Variants in KCNQ5 observed in about 807,000 individuals in gnomAD.
The protein encoded by KCNQ5 is potassium voltage-gated channel subfamily KQT member 5.
In KCNQ5, 30 loss-of-function variants were observed where a neutral mutation model predicts 98.2. The observed-to-expected ratio is 0.31, with a 90% CI of 0.23 to 0.41. The LOEUF (loss-of-function observed/expected upper bound fraction) is 0.41, where lower values mean the gene tolerates loss of function less well. KCNQ5 is among the 10% of genes least tolerant of loss of function. The probability of loss-of-function intolerance (pLI) is 1.00; values close to 1 mark genes in which losing one functional copy is unlikely to be tolerated. For synonymous variants in KCNQ5, 458 were observed against 449.4 expected, an observed-to-expected ratio of 1.02 and a Z score of -0.24; for missense variants, 835 against 1,182.5, an observed-to-expected ratio of 0.71 and a Z score of 4.31.
Position 73,141,194 on chromosome 6 carries a change from T to C in KCNQ5, c.1468+7553T>C, listed in dbSNP as rs138171287. On this transcript the variant is annotated intron_variant, in intron 10 of 13. Coordinates refer to ENST00000370398, the MANE Select transcript of KCNQ5 (RefSeq NM_019842.4). ...CTGGAGAGGGCCCACTTCCACGTGATGGAAAGGGCGAGGTTCCTCTTGGGT... is the reference window on the plus strand; with the variant it reads ...CTGGAGAGGGCCCACTTCCACGTGACGGAAAGGGCGAGGTTCCTCTTGGGT... Among the ~76,000 whole-genome samples, 10 of 152,342 alleles carry C rather than the reference T, an allele frequency of 6.6e-5. 1 individual carries two copies. In the East Asian group the frequency reaches 1.9e-3, roughly 29 times the overall value.
At chr6:73,002,071 A>C (rs1460066571) in intron 1 of KCNQ5, among the ~76,000 whole-genome samples, 1 of 152,136 alleles carries the variant, frequency 6.6e-6, no homozygotes, top group Non-Finnish European at 1.5e-5. Context: ...TTAAAGTTAC[A>C]ATGAGCTATG....
chr6:73,039,169 A>C (rs1005300345), intron 2 of KCNQ5, among the ~76,000 whole-genome samples: 53 of 152,226 alleles, frequency 3.5e-4, no homozygotes, highest in African/African-American at 1.2e-3. Context: ...AGTGGCGTAG[A>C]ATCTATACTG....
chr6:72,986,981 GGT>G, intron 1 of KCNQ5: 1 of 808,022 alleles, frequency 1.2e-6, no homozygotes, highest in Non-Finnish European at 2.1e-6. Context: ...ACAGTGGGAA[GGT>G]GAAGAAGAAG....
At chr6:72,865,851 T>C (rs1777957180) in intron 1 of KCNQ5, among the ~76,000 whole-genome samples, 1 of 152,200 alleles carries the variant, frequency 6.6e-6, no homozygotes, top group East Asian at 1.9e-4. Context: ...CCTCAGAATC[T>C]TTATTGTGGA....
At chr6:72,860,260 C>T (rs1300842242) in intron 1 of KCNQ5, among the ~76,000 whole-genome samples, 1 of 152,196 alleles carries the variant, frequency 6.6e-6, no homozygotes, top group African/African-American at 2.4e-5. Flanking sequence ...GAAGTCTCAC[C>T]TGCAAGGTAG....
chr6:72,720,635 C>G (rs1268061280), intron 1 of KCNQ5, among the ~76,000 whole-genome samples: 1 of 152,214 alleles, frequency 6.6e-6, no homozygotes, highest in Non-Finnish European at 1.5e-5. Context: ...TCCATGCTAT[C>G]ATCAGTGCGG....
intron 1 of KCNQ5, among the ~76,000 whole-genome samples, chr6:72,851,821 GT>G (rs958899193): frequency 3.3e-5 from 5 of 151,950 alleles, no homozygotes; most frequent in Admixed American, 1.3e-4. Flanking sequence ...TTACAGAGTT[GT>G]TTTTCTTGAA....
chr6:72,872,943 A>T (rs1253057082), intron 1 of KCNQ5, among the ~76,000 whole-genome samples: 2 of 152,130 alleles, frequency 1.3e-5, no homozygotes, highest in South Asian at 2.1e-4. Context: ...AACTTTCCAG[A>T]TAGCTCTTCT....
chr6:73,093,216 A>G (rs1159035529), intron 5 of KCNQ5, among the ~76,000 whole-genome samples: 1 of 152,100 alleles, frequency 6.6e-6, no homozygotes. Flanking sequence ...GTAGCCTTGA[A>G]TGATCTTTTG....
At chr6:73,141,268 C>A (rs953258313) in intron 10 of KCNQ5, among the ~76,000 whole-genome samples, 114 of 152,250 alleles carry the variant, frequency 7.5e-4, no homozygotes, top group African/African-American at 2.6e-3. Context: ...GCCCTCATAG[C>A]CTAACCATCT....
chr6:72,799,548 A>G (rs528724317), intron 1 of KCNQ5, among the ~76,000 whole-genome samples: 10 of 152,338 alleles, frequency 6.6e-5, no homozygotes, highest in African/African-American at 2.4e-4. Context: ...ACAACAGAAT[A>G]CACTTGTGGA....
intron 1 of KCNQ5, among the ~76,000 whole-genome samples, chr6:72,834,576 A>T (rs1429527877): frequency 6.6e-6 from 1 of 152,226 alleles, no homozygotes; most frequent in Non-Finnish European, 1.5e-5. Context: ...TCTATTGAAC[A>T]TAAGCTACCC....
At chr6:72,635,913 G>T (rs9351929) in intron 1 of KCNQ5, among the ~76,000 whole-genome samples, 1 of 151,762 alleles carries the variant, frequency 6.6e-6, no homozygotes, top group African/African-American at 2.4e-5. Flanking sequence ...GTGGATTTTA[G>T]AAATATAAGG....
chr6:72,864,501 TC>T (rs1777899371), intron 1 of KCNQ5, among the ~76,000 whole-genome samples: 1 of 152,110 alleles, frequency 6.6e-6, no homozygotes, highest in Non-Finnish European at 1.5e-5. Flanking sequence ...TATCTCATTT[TC>T]CCCCACTGTG....
chr6:72,961,499 G>A (rs1767348628), intron 1 of KCNQ5, among the ~76,000 whole-genome samples: 1 of 152,000 alleles, frequency 6.6e-6, no homozygotes. Context: ...GCGGGCGCCT[G>A]TAGTCCCAGC....
intron 1 of KCNQ5, among the ~76,000 whole-genome samples, chr6:72,656,882 C>G (rs779928428): frequency 6.6e-6 from 1 of 152,074 alleles, no homozygotes; most frequent in Non-Finnish European, 1.5e-5. Flanking sequence ...TTGTACAACA[C>G]CATTTAACAA....
chr6:72,660,755 A>C (rs1397867682), intron 1 of KCNQ5, among the ~76,000 whole-genome samples: 4 of 152,194 alleles, frequency 2.6e-5, no homozygotes, highest in African/African-American at 9.6e-5. Flanking sequence ...AGTATAAGTA[A>C]TAAATGCTGT....
chr6:72,823,614 T>A (rs760648600), intron 1 of KCNQ5, among the ~76,000 whole-genome samples: 49 of 152,302 alleles, frequency 3.2e-4, no homozygotes, highest in Middle Eastern at 3.4e-3. Context: ...CTGCAAGTTG[T>A]TGGCAGGCTC....
At chr6:73,128,678 G>T (rs900992849) in intron 9 of KCNQ5, among the ~76,000 whole-genome samples, 12 of 152,174 alleles carry the variant, frequency 7.9e-5, no homozygotes, top group African/African-American at 2.9e-4. Context: ...AATCAACAAT[G>T]GTTGGCTATA....
Sources: allele counts gnomAD v4.1 joint callset (sites outside exome capture counted in the v4.1 genomes callset), GRCh38; gene constraint gnomAD v4.1.1; transcripts MANE v1.5; gene names NCBI Gene and HGNC (gene_info 2026-07-23, HGNC 2026-07-21).